The following AFG2A variants were observed in gnomAD, a reference collection of about 807,000 sequenced individuals.
AFG2A encodes AAA ATPase AFG2A.
At chr4:123,234,083 A>G in the AFG2A span, among the ~76,000 whole-genome samples, 6 of 152,176 alleles carry the variant, frequency 3.9e-5, no homozygotes, top group African/African-American at 1.4e-4. Flanking sequence ...TACAAAAGAA[A>G]GAGGAAAACT....
chr4:122,931,449 A>G, the AFG2A span, among the ~76,000 whole-genome samples: 1 of 152,120 alleles, frequency 6.6e-6, no homozygotes, highest in Non-Finnish European at 1.5e-5. Context: ...GGAAATACGT[A>G]TGTGTGTGTA....
At chr4:123,258,706 TATGA>T in the AFG2A span, among the ~76,000 whole-genome samples, 3 of 152,070 alleles carry the variant, frequency 2.0e-5, no homozygotes, top group Non-Finnish European at 4.4e-5. Context: ...CTATTAGCTA[TATGA>T]ACAAGAATTT....
chr4:123,010,918 A>C, the AFG2A span, among the ~76,000 whole-genome samples: 1 of 152,270 alleles, frequency 6.6e-6, no homozygotes, highest in Admixed American at 6.5e-5. Flanking sequence ...CATGTAGCAC[A>C]TTCAACATTC....
chr4:122,993,493 A>AT, the AFG2A span, among the ~76,000 whole-genome samples: 1 of 151,936 alleles, frequency 6.6e-6, no homozygotes, highest in African/African-American at 2.4e-5. Flanking sequence ...GCTTTTGTCT[A>AT]TTTTTCCATA....
At chr4:123,278,115 T>A in the AFG2A span, among the ~76,000 whole-genome samples, 1 of 152,110 alleles carries the variant, frequency 6.6e-6, no homozygotes, top group Non-Finnish European at 1.5e-5. Flanking sequence ...GTTGGTAGGC[T>A]TTTTTATTAC....
the AFG2A span, among the ~76,000 whole-genome samples, chr4:122,925,239 C>G: frequency 6.6e-6 from 1 of 152,138 alleles, no homozygotes; most frequent in Admixed American, 6.5e-5. Flanking sequence ...ACTGTTTCTA[C>G]CTTAATTTCA....
At chr4:123,121,385 A>C in the AFG2A span, among the ~76,000 whole-genome samples, 1 of 152,162 alleles carries the variant, frequency 6.6e-6, no homozygotes, top group East Asian at 1.9e-4. Context: ...GTGTACAGTA[A>C]TGTCCTGGGC....
At chr4:123,023,108 C>T in the AFG2A span, among the ~76,000 whole-genome samples, 2 of 151,250 alleles carry the variant, frequency 1.3e-5, no homozygotes, top group African/African-American at 4.9e-5. Context: ...ATGGGTGCAG[C>T]ACACCAGCAT....
chr4:123,028,034 G>A, the AFG2A span: 3 of 599,008 alleles, frequency 5.0e-6, no homozygotes, highest in Admixed American at 3.5e-5. Context: ...TTTACTTCTT[G>A]TTATTCTTGG....
At chr4:123,130,304 A>G in the AFG2A span, among the ~76,000 whole-genome samples, 1 of 152,236 alleles carries the variant, frequency 6.6e-6, no homozygotes, top group Non-Finnish European at 1.5e-5. Context: ...GGCGTGAGAC[A>G]CGATGCCAGG....
the AFG2A span, among the ~76,000 whole-genome samples, chr4:123,266,546 G>A: frequency 6.6e-6 from 1 of 151,710 alleles, no homozygotes; most frequent in Non-Finnish European, 1.5e-5. Context: ...CTTGTTTTTA[G>A]TTTTAATGGT....
At chr4:123,194,420 A>G in the AFG2A span, among the ~76,000 whole-genome samples, 1 of 152,212 alleles carries the variant, frequency 6.6e-6, no homozygotes, top group Non-Finnish European at 1.5e-5. Flanking sequence ...AGCCATCCTG[A>G]GCCACATGTT....
chr4:123,245,633 C>G, the AFG2A span, among the ~76,000 whole-genome samples: 5 of 152,092 alleles, frequency 3.3e-5, no homozygotes, highest in African/African-American at 7.2e-5. Flanking sequence ...TTGTGCTCAT[C>G]ATCAATTGCT....
At chr4:122,939,982 T>C in the AFG2A span, among the ~76,000 whole-genome samples, 188 of 152,362 alleles carry the variant, frequency 1.2e-3, 1 homozygote, top group Middle Eastern at 0.027. Flanking sequence ...TATGGCTGCA[T>C]AGTATTCCAT....
chr4:122,956,401 A>G, the AFG2A span, among the ~76,000 whole-genome samples: 3 of 152,228 alleles, frequency 2.0e-5, no homozygotes, highest in African/African-American at 7.2e-5. Flanking sequence ...ATTTAAAGCC[A>G]AGGTCATCTT....
At chr4:123,186,588 T>C in the AFG2A span, among the ~76,000 whole-genome samples, 50 of 152,292 alleles carry the variant, frequency 3.3e-4, no homozygotes, top group Non-Finnish European at 6.2e-4. Flanking sequence ...AGGTACATCG[T>C]TTTAAATTTG....
the AFG2A span, among the ~76,000 whole-genome samples, chr4:123,161,503 C>A: frequency 6.6e-6 from 1 of 152,030 alleles, no homozygotes; most frequent in African/African-American, 2.4e-5. Flanking sequence ...GGAAATAATA[C>A]TCTAGGCAAG....
At chr4:123,091,307 A>C in the AFG2A span, among the ~76,000 whole-genome samples, 7 of 152,252 alleles carry the variant, frequency 4.6e-5, no homozygotes, top group Admixed American at 1.3e-4. Flanking sequence ...CTTAAACTAA[A>C]GGAAATGAAG....
At chr4:123,213,896 A>T in the AFG2A span, among the ~76,000 whole-genome samples, 1 of 152,182 alleles carries the variant, frequency 6.6e-6, no homozygotes, top group Admixed American at 6.6e-5. Context: ...ATTGACATTA[A>T]ACTTAAGTAA....
Sources: allele counts gnomAD v4.1 joint callset (sites outside exome capture counted in the v4.1 genomes callset), GRCh38; gene constraint gnomAD v4.1.1; transcripts MANE v1.5; gene names NCBI Gene and HGNC (gene_info 2026-07-23, HGNC 2026-07-21).